RAB18: variants seen among roughly 807,000 people sequenced by gnomAD.
The protein encoded by RAB18 is RAB18, member RAS oncogene family.
RAB18 carries 10 observed loss-of-function variants against 28.5 expected under a neutral mutation model. That is an observed-to-expected ratio of 0.35 (90% confidence interval 0.22 to 0.60). The LOEUF (loss-of-function observed/expected upper bound fraction) is 0.60, where lower values mean the gene tolerates loss of function less well. Among genes scored for constraint, RAB18 ranks in the 20% least tolerant of loss-of-function variants. The probability of loss-of-function intolerance (pLI) is 0.78; values close to 1 mark genes in which losing one functional copy is unlikely to be tolerated. For synonymous variants in RAB18, 93 were observed against 86.9 expected (o/e 1.07, Z -0.39); for missense variants, 188 against 244.2 (o/e 0.77, Z 1.53).
At chr10:27,509,018 A>G (rs996209734) in intron 1 of RAB18, among the ~76,000 whole-genome samples, 7 of 152,208 alleles carry the variant, frequency 4.6e-5, no homozygotes, top group African/African-American at 1.7e-4. Flanking sequence ...CTAATAACTG[A>G]CACTTCTGCT....
At position 27,541,663 on chromosome 10, in the gene RAB18, G is replaced by A. The variant is rs11015863; in HGVS notation, c.*3612G>A. Reference sequence around the variant, plus strand: ...TTTTTTTTTTTCCTCTTTTTTAACCGGAGAAGCAACAAATTACGTAGTTTT... The same window carrying A: ...TTTTTTTTTTTCCTCTTTTTTAACCAGAGAAGCAACAAATTACGTAGTTTT... On this transcript the variant is annotated 3_prime_UTR_variant, in exon 7 of 7. Coordinates refer to ENST00000356940, the MANE Select transcript of RAB18 (RefSeq NM_021252.5). The A allele has an allele frequency of 1.4e-4, 65 of 448,304 alleles. No individual in the cohort carries two copies. The East Asian group carries it at 2.4e-3, about 17-fold the overall frequency. The allele number at this position is 448,304 out of a possible 1,614,324, so 27.8% of individuals were successfully genotyped here.
At chr10:27,535,335 A>T (rs1266812034) in intron 6 of RAB18, among the ~76,000 whole-genome samples, 1 of 152,162 alleles carries the variant, frequency 6.6e-6, no homozygotes, top group Non-Finnish European at 1.5e-5. Flanking sequence ...TCTTCTTCTA[A>T]TGTGGCCCAG....
chr10:27,522,277 T>C (rs1322097279), intron 2 of RAB18, among the ~76,000 whole-genome samples: 37 of 152,214 alleles, frequency 2.4e-4, no homozygotes, highest in Admixed American at 2.4e-3. Flanking sequence ...TGTTGTATCT[T>C]CTTGAGAATT....
At chr10:27,534,231 T>C (rs1834848126) in intron 6 of RAB18, among the ~76,000 whole-genome samples, 1 of 152,210 alleles carries the variant, frequency 6.6e-6, no homozygotes, top group African/African-American at 2.4e-5. Flanking sequence ...TCACAGGATA[T>C]AGTGGCATTC....
Position 27,538,907 on chromosome 10 carries a change from G to T in RAB18, c.*856G>T, listed in dbSNP as rs1274528541. ...TGTTTGTCCAGGTACCTTAACTGTAGCTTGTGTAATGTTGATGAATATCTG... is the reference window on the plus strand; with the variant it reads ...TGTTTGTCCAGGTACCTTAACTGTATCTTGTGTAATGTTGATGAATATCTG... On this transcript the variant is annotated 3_prime_UTR_variant, in exon 7 of 7. Transcript: ENST00000356940. 1 of 453,758 alleles carries T rather than the reference G, an allele frequency of 2.2e-6. No individual in the cohort carries two copies. The highest frequency in any genetic ancestry group is 4.4e-6 in the Non-Finnish European group (1 of 226,664). The allele number at this position is 453,758 out of a possible 1,614,324, so 28.1% of individuals were successfully genotyped here. A position where few individuals can be genotyped will look rare whatever the true frequency, so the allele number is the denominator to read the frequency against.
intron 6 of RAB18, among the ~76,000 whole-genome samples, chr10:27,535,453 G>T (rs1036235738): frequency 1.3e-5 from 2 of 152,160 alleles, no homozygotes; most frequent in African/African-American, 4.8e-5. Flanking sequence ...TAAAGGAACA[G>T]GAAGAAAGCG....
At chr10:27,527,399 T>C (rs1465720534) in intron 3 of RAB18, among the ~76,000 whole-genome samples, 3 of 152,034 alleles carry the variant, frequency 2.0e-5, no homozygotes, top group Non-Finnish European at 4.4e-5. Flanking sequence ...ACCATTCTGA[T>C]CCCCGTTACT....
At chr10:27,504,513 G>A in intron 1 of RAB18, 76 bp downstream of exon 1, 1 of 1,473,182 alleles carries the variant, frequency 6.8e-7, no homozygotes, top group Non-Finnish European at 9.3e-7. Flanking sequence ...CCTGGGCCGC[G>A]ACGGGAACTG....
chr10:27,506,942 A>G (rs1252457200), intron 1 of RAB18, among the ~76,000 whole-genome samples: 1 of 151,928 alleles, frequency 6.6e-6, no homozygotes, highest in Non-Finnish European at 1.5e-5. Context: ...TTGTGAAAGG[A>G]TTACATATAG....
At chr10:27,523,874 T>C (rs1161873097) in intron 2 of RAB18, among the ~76,000 whole-genome samples, 1 of 151,914 alleles carries the variant, frequency 6.6e-6, no homozygotes, top group Non-Finnish European at 1.5e-5. Flanking sequence ...GGTCAGGAGA[T>C]TGAGACCATA....
chr10:27,522,116 A>G (rs574339339), intron 2 of RAB18, among the ~76,000 whole-genome samples: 1 of 152,334 alleles, frequency 6.6e-6, no homozygotes, highest in Non-Finnish European at 1.5e-5. Context: ...AAAAATAATC[A>G]GTATTTTCAG....
chr10:27,512,803 C>T (rs1236706276), intron 2 of RAB18, among the ~76,000 whole-genome samples: 2 of 151,882 alleles, frequency 1.3e-5, no homozygotes, highest in African/African-American at 4.8e-5. Context: ...ATTACAAACC[C>T]AAATGGAATT....
rs201405249 is a variant in RAB18, at chr10:27,537,848, A to G, written c.446-28A>G. On this transcript the variant is annotated intron_variant, in intron 6 of 6. Coordinates refer to ENST00000356940, the MANE Select transcript of RAB18 (RefSeq NM_021252.5). ...GAATATGGCCAGAAAGGAATATACT[A>G]TGAATGACCTTTTTCCTTGAATTTC... 14 of 1,585,344 alleles carry G rather than the reference A, an allele frequency of 8.8e-6. No homozygotes were observed. The East Asian group carries it at 1.6e-4, about 18-fold the overall frequency.
Position 27,537,994 on chromosome 10 carries a change from A to G in RAB18, c.564A>G (p.Ser188=). ...SENQNKGVKL[S]HREEGQGGGA... Reference sequence around the variant, plus strand: ...ACCAGAATAAAGGAGTCAAACTGTCACACAGGGAAGAAGGCCAAGGAGGAG... The same window carrying G: ...ACCAGAATAAAGGAGTCAAACTGTCGCACAGGGAAGAAGGCCAAGGAGGAG... Residue 188 remains serine, a synonymous_variant, in exon 7 of 7, where the codon TCA becomes TCG. Transcript: ENST00000356940. The G allele has an allele frequency of 6.2e-7, 1 of 1,614,158 alleles. No individual in the cohort carries two copies. Among genetic ancestry groups the G allele is most frequent in the Non-Finnish European group, 8.5e-7 (1 of 1,180,002 alleles).
intron 2 of RAB18, among the ~76,000 whole-genome samples, chr10:27,522,973 T>C (rs373433337): frequency 9.2e-5 from 14 of 152,190 alleles, no homozygotes; most frequent in South Asian, 6.2e-4. Context: ...GATTCATTGA[T>C]TTTTGTTGTT....
intron 2 of RAB18, among the ~76,000 whole-genome samples, chr10:27,521,817 A>G (rs1267539981): frequency 6.6e-6 from 1 of 152,002 alleles, no homozygotes; most frequent in Non-Finnish European, 1.5e-5. Context: ...ATGTAACCAC[A>G]TACCACCTCT....
intron 1 of RAB18, among the ~76,000 whole-genome samples, chr10:27,505,642 C>T (rs889557880): frequency 1.3e-5 from 2 of 152,138 alleles, no homozygotes; most frequent in Non-Finnish European, 2.9e-5. Context: ...TCACTGCAAC[C>T]TCCGCCTCCC....
chr10:27,525,392 TTCC>T (rs67797980), intron 2 of RAB18, among the ~76,000 whole-genome samples: 18,674 of 151,806 alleles, frequency 0.12, 1,209 homozygotes, highest in Middle Eastern at 0.2. Flanking sequence ...CAGAACCATT[TTCC>T]TCCTCTGAAT....
intron 2 of RAB18, among the ~76,000 whole-genome samples, chr10:27,525,012 G>A: frequency 6.6e-6 from 1 of 152,148 alleles, no homozygotes; most frequent in East Asian, 1.9e-4. Flanking sequence ...GATATAATAT[G>A]TCAAAAGCAT....
Sources: gnomAD v4.1 joint callset for allele counts (sites outside exome capture counted in the v4.1 genomes callset) on GRCh38, gnomAD v4.1.1 for gene constraint, MANE v1.5 for transcripts, NCBI Gene and HGNC (gene_info 2026-07-23, HGNC 2026-07-21) for gene names.